The following PLEKHA5 variants were observed in gnomAD, a reference collection of about 807,000 sequenced individuals.
PLEKHA5 encodes pleckstrin homology domain-containing family A member 5.
A neutral mutation model predicts 181.9 loss-of-function variants in PLEKHA5; 55 were observed. The observed-to-expected ratio is 0.30, with a 90% CI of 0.24 to 0.38. PLEKHA5 has a LOEUF of 0.38. Among genes scored for constraint, PLEKHA5 ranks in the 10% least tolerant of loss-of-function variants. PLEKHA5 has a pLI of 1.00. For missense variants in PLEKHA5, 1,432 were observed against 1,549.5 expected (o/e 0.92, Z 1.27); for synonymous variants, 535 against 529.4 (o/e 1.01, Z -0.15).
intron 3 of PLEKHA5, among the ~76,000 whole-genome samples, chr12:19,134,234 T>C (rs1020486903): frequency 6.6e-6 from 1 of 152,114 alleles, no homozygotes; most frequent in Non-Finnish European, 1.5e-5. Context: ...TATGTTTACT[T>C]AAACAAATTA....
At chr12:19,306,701 GT>G in intron 15 of PLEKHA5, 2 of 1,470,398 alleles carry the variant, frequency 1.4e-6, no homozygotes, top group Non-Finnish European at 1.9e-6. Context: ...ACTCTCTTCG[GT>G]TTCCTAGGCA....
At chr12:19,222,061 C>T (rs1443811200) in intron 3 of PLEKHA5, among the ~76,000 whole-genome samples, 1 of 151,996 alleles carries the variant, frequency 6.6e-6, no homozygotes, top group Non-Finnish European at 1.5e-5. Flanking sequence ...AATTTGAGAC[C>T]AGCCTGACAG....
intron 3 of PLEKHA5, among the ~76,000 whole-genome samples, chr12:19,234,082 T>C (rs1195420929): frequency 6.6e-6 from 1 of 152,240 alleles, no homozygotes; most frequent in Non-Finnish European, 1.5e-5. Flanking sequence ...TTCTTTTCCT[T>C]AAATGAATAG....
At chr12:19,319,113 A>G (rs2089967908) in intron 16 of PLEKHA5, among the ~76,000 whole-genome samples, 1 of 152,256 alleles carries the variant, frequency 6.6e-6, no homozygotes, top group African/African-American at 2.4e-5. Flanking sequence ...TCTTGGATCT[A>G]GGTGCTTTAA....
intron 20 of PLEKHA5, among the ~76,000 whole-genome samples, chr12:19,330,364 T>G (rs2092721067): frequency 2.0e-5 from 3 of 152,190 alleles, no homozygotes; most frequent in Admixed American, 2.0e-4. Context: ...TGAGCCTCAC[T>G]TTATACAGTT....
At chr12:19,233,189 T>C (rs2060897754) in intron 3 of PLEKHA5, among the ~76,000 whole-genome samples, 3 of 152,162 alleles carry the variant, frequency 2.0e-5, no homozygotes, top group African/African-American at 7.2e-5. Flanking sequence ...ACAAATGGTA[T>C]GTGCTATACC....
chr12:19,362,833 A>T (rs1252159693), intron 29 of PLEKHA5, among the ~76,000 whole-genome samples: 1 of 152,058 alleles, frequency 6.6e-6, no homozygotes, highest in Admixed American at 6.6e-5. Flanking sequence ...TAGCAGAGTA[A>T]GCAATTCATC....
At chr12:19,334,829 A>AAAAAAAAAAATATATATATATAT in intron 20 of PLEKHA5, among the ~76,000 whole-genome samples, 8 of 18,594 alleles carry the variant, frequency 4.3e-4, no homozygotes, top group Admixed American at 1.8e-3. Context: ...AAAAAAAAAA[A>AAAAAAAAAAATATATATATATAT]ATATATATAT....
chr12:19,257,535 C>A lies in PLEKHA5; in HGVS notation c.535C>A (p.Gln179Lys). 2.6e-6 allele frequency: 4 copies of A among 1,518,188 alleles called. No individual in the cohort carries two copies. Among genetic ancestry groups the A allele is most frequent in the South Asian group, 2.4e-5 (2 of 83,778 alleles). 94.0% of individuals were successfully genotyped at this position (1,518,188 alleles called of 1,614,324 possible). ...TGTCAGACGAGGTTGGCTTTATAAA[C>A]AGGTATTTTTTTTTTTTTGATATGA... ...PVVRRGWLYK[Q>K]DSTGMKLWKK... The change falls in exon 6 of 32, where the codon CAG (glutamine) becomes AAG (lysine). Residue 179 changes from glutamine to lysine, a missense_variant and splice_region_variant. Gln to Lys is a moderately conservative substitution (Grantham distance 53). Around this residue, in one of 2 missense-constraint regions of PLEKHA5, gnomAD observed 289 missense variants for 381.1 expected, o/e 0.76. Coordinates refer to ENST00000429027, the MANE Select transcript of PLEKHA5 (RefSeq NM_001256470.2).
Position 19,358,289 on chromosome 12 carries a change from C to T in PLEKHA5, c.3200C>T (p.Thr1067Ile). The change falls in exon 27 of 32, where the codon ACT becomes ATT. Residue 1067 changes from threonine (T) to isoleucine (I), a missense_variant. By Grantham distance (89) the Thr-to-Ile change is moderately conservative (BLOSUM62 -1). Coordinates refer to ENST00000429027, the MANE Select transcript of PLEKHA5 (RefSeq NM_001256470.2). The stretch of plus-strand genomic sequence containing the variant: ...GCTGAAAGTACTCGACCAAGGATGA[C>T]TGTGGAAGAGCAAATGGAAAGAATA... ...CLAESTRPRM[T>I]VEEQMERIRR... The T allele has an allele frequency of 6.2e-7, 1 of 1,613,922 alleles. No individual in the cohort carries two copies. The highest frequency in any genetic ancestry group is 8.5e-7 in the Non-Finnish European group (1 of 1,179,892).
At chr12:19,135,714 G>C (rs1322767413) in intron 3 of PLEKHA5, among the ~76,000 whole-genome samples, 1 of 152,030 alleles carries the variant, frequency 6.6e-6, no homozygotes, top group Non-Finnish European at 1.5e-5. Context: ...GACCTGATCA[G>C]CGTAAGAGTT....
chr12:19,286,839 G>T (rs964988198), intron 12 of PLEKHA5, among the ~76,000 whole-genome samples: 7 of 151,750 alleles, frequency 4.6e-5, no homozygotes, highest in Non-Finnish European at 8.8e-5. Flanking sequence ...GGTGGCATGC[G>T]CCTGTAATCC....
intron 3 of PLEKHA5, among the ~76,000 whole-genome samples, chr12:19,224,691 G>A (rs989113389): frequency 1.3e-5 from 2 of 152,224 alleles, no homozygotes; most frequent in Admixed American, 6.5e-5. Flanking sequence ...TCTGCTTAAA[G>A]CATTTTCAAT....
At chr12:19,140,514 G>C (rs2036948899) in intron 3 of PLEKHA5, among the ~76,000 whole-genome samples, 1 of 152,164 alleles carries the variant, frequency 6.6e-6, no homozygotes. Flanking sequence ...GAAGTGACCA[G>C]TAAGCCACCC....
intron 3 of PLEKHA5, among the ~76,000 whole-genome samples, chr12:19,180,876 G>A (rs943804443): frequency 1.1e-4 from 17 of 149,972 alleles, no homozygotes; most frequent in African/African-American, 3.9e-4. Flanking sequence ...AAAAACATCA[G>A]CCACAGCTTC....
chr12:19,171,926 G>T (rs905285933), intron 3 of PLEKHA5, among the ~76,000 whole-genome samples: 2 of 152,124 alleles, frequency 1.3e-5, no homozygotes, highest in African/African-American at 4.8e-5. Context: ...TTGTCCCACT[G>T]TAAGATCTTC....
chr12:19,194,805 A>G (rs1388789945), intron 3 of PLEKHA5, among the ~76,000 whole-genome samples: 1 of 152,190 alleles, frequency 6.6e-6, no homozygotes, highest in Non-Finnish European at 1.5e-5. Flanking sequence ...GATGAAATAC[A>G]TTTCTAGTAG....
At chr12:19,180,661 A>T (rs928715276) in intron 3 of PLEKHA5, among the ~76,000 whole-genome samples, 2 of 152,208 alleles carry the variant, frequency 1.3e-5, no homozygotes, top group Admixed American at 1.3e-4. Context: ...GATTGTTGCA[A>T]TTATATTTCT....
chr12:19,217,900 A>C (rs1419021971), intron 3 of PLEKHA5, among the ~76,000 whole-genome samples: 1 of 152,176 alleles, frequency 6.6e-6, no homozygotes, highest in East Asian at 1.9e-4. Context: ...AGAATAGTTA[A>C]ATGGATTACA....
Sources: gnomAD v4.1 joint callset for allele counts (sites outside exome capture counted in the v4.1 genomes callset) on GRCh38, gnomAD v4.1.1 for gene constraint, gnomAD v4.1.1 regional missense constraint, MANE v1.5 for transcripts, NCBI Gene and HGNC (gene_info 2026-07-23, HGNC 2026-07-21) for gene names.